SLC45A4: variants seen among roughly 807,000 people sequenced by gnomAD.
The protein encoded by SLC45A4 is solute carrier family 45 member 4.
A neutral mutation model predicts 63.7 loss-of-function variants in SLC45A4; 32 were observed. That is an observed-to-expected ratio of 0.50 (90% CI 0.38 to 0.67). The LOEUF (loss-of-function observed/expected upper bound fraction) is 0.67, where lower values mean the gene tolerates loss of function less well. Among genes scored for constraint, SLC45A4 ranks in the 30% least tolerant of loss-of-function variants. The pLI, the probability that SLC45A4 is intolerant of heterozygous loss-of-function variation, is 0.00. For missense variants in SLC45A4, 1,027 were observed against 1,157.7 expected (o/e 0.89, Z 1.64); for synonymous variants, 535 against 510.0 (o/e 1.05, Z -0.66).
rs1227502363 is a variant in SLC45A4, at chr8:141,215,673, C to G, written c.1941+86G>C. On this transcript the variant is annotated intron_variant, in intron 7 of 8. Transcript: ENST00000517878. This position sits in a 1 kb window ranked among gnomAD's most constrained non-coding sequence, Gnocchi z 4.3. ...GGGCCATCTGTGTCGTGAACGTCCCCCCGGGGAAGCACAGGGCTCTGCTCT... is the reference window on the plus strand; with the variant it reads ...GGGCCATCTGTGTCGTGAACGTCCCGCCGGGGAAGCACAGGGCTCTGCTCT... 10 of 1,409,602 alleles carry G rather than the reference C, an allele frequency of 7.1e-6. No homozygotes were observed. The highest frequency in any genetic ancestry group is 1.4e-5 in the African/African-American group (1 of 70,700). 87.3% of individuals were successfully genotyped at this position (1,409,602 alleles called of 1,614,324 possible). A position where few individuals can be genotyped will look rare whatever the true frequency, so the allele number is the denominator to read the frequency against.
intron 2 of SLC45A4, among the ~76,000 whole-genome samples, chr8:141,246,832 T>C (rs1828229249): frequency 6.6e-6 from 1 of 152,062 alleles, no homozygotes; most frequent in African/African-American, 2.4e-5. Flanking sequence ...CTAGAAGAAG[T>C]AGCCAGTTGT....
At chr8:141,305,450 C>T (rs146946737) in intron 1 of SLC45A4, among the ~76,000 whole-genome samples, 326 of 152,348 alleles carry the variant, frequency 2.1e-3, no homozygotes, top group Non-Finnish European at 3.6e-3. Context: ...AGCATAATCA[C>T]GCAGTGATGA....
intron 2 of SLC45A4, among the ~76,000 whole-genome samples, chr8:141,239,982 A>T (rs1247002209): frequency 6.6e-6 from 1 of 152,204 alleles, no homozygotes; most frequent in Non-Finnish European, 1.5e-5. Context: ...GCTTTTCAAG[A>T]GTAGACTTTT....
At chr8:141,228,940 G>A (rs757246748) in intron 2 of SLC45A4, among the ~76,000 whole-genome samples, 3 of 152,008 alleles carry the variant, frequency 2.0e-5, no homozygotes, top group Non-Finnish European at 2.9e-5. Flanking sequence ...TCAGGACCCC[G>A]GGCACCAACA....
In SLC45A4 at chr8:141,218,597, C is replaced by G; in HGVS notation, c.1043G>C (p.Ser348Thr). ...ASYPATPRSTSQELAKTKLPR... is the reference protein window; with the variant it reads ...ASYPATPRSTTQELAKTKLPR... ...CAGCTTGGTCTTGGCGAGCTCCTGG[C>G]TGGTGCTGCGGGGGGTGGCGGGGTA... Residue 348 changes from serine (S) to threonine (T), a missense_variant, in exon 5 of 9, where the codon AGC becomes ACC. Coordinates refer to ENST00000517878, the MANE Select transcript of SLC45A4 (RefSeq NM_001286646.2). 6.2e-7 allele frequency: 1 copy of G among 1,613,448 alleles called. No individual in the cohort carries two copies. Among genetic ancestry groups the G allele is most frequent in the Non-Finnish European group, 8.5e-7 (1 of 1,179,900 alleles).
chr8:141,262,562 A>G (rs1465723921), intron 1 of SLC45A4, among the ~76,000 whole-genome samples: 7 of 151,704 alleles, frequency 4.6e-5, no homozygotes, highest in African/African-American at 1.7e-4. Flanking sequence ...AAGGATATGA[A>G]CAGACACTTC....
chr8:141,228,406 G>A (rs1483328420), intron 2 of SLC45A4: 42 of 1,447,034 alleles, frequency 2.9e-5, no homozygotes, highest in African/African-American at 1.8e-4. Context: ...GGACGCTGGC[G>A]CTCCAGAAAG....
At chr8:141,306,860 A>AC (rs534434953) in intron 1 of SLC45A4, among the ~76,000 whole-genome samples, 2 of 152,332 alleles carry the variant, frequency 1.3e-5, no homozygotes, top group South Asian at 4.1e-4. Flanking sequence ...TGACCCCACA[A>AC]CAATTAGTTC....
chr8:141,272,222 T>C (rs1299645636), intron 1 of SLC45A4, among the ~76,000 whole-genome samples: 1 of 152,200 alleles, frequency 6.6e-6, no homozygotes, highest in Non-Finnish European at 1.5e-5. Flanking sequence ...ATCAGAGAAA[T>C]TCATTCAGTT....
At chr8:141,231,267 A>T (rs1569558299) in intron 2 of SLC45A4, among the ~76,000 whole-genome samples, 1 of 152,152 alleles carries the variant, frequency 6.6e-6, no homozygotes, top group Non-Finnish European at 1.5e-5. Context: ...CTGGGCTGAG[A>T]GTGTGGCCCC....
intron 2 of SLC45A4, among the ~76,000 whole-genome samples, chr8:141,247,568 C>A (rs986597858): frequency 7.2e-5 from 11 of 152,114 alleles, no homozygotes; most frequent in African/African-American, 2.7e-4. Flanking sequence ...ACTGCAACAG[C>A]CAAAACAAGT....
chr8:141,260,797 C>T (rs1215543040), intron 1 of SLC45A4, among the ~76,000 whole-genome samples: 1 of 152,186 alleles, frequency 6.6e-6, no homozygotes, highest in Non-Finnish European at 1.5e-5. Flanking sequence ...ACCAGAGGTA[C>T]AAGGAGGAGC....
At chr8:141,301,610 G>T (rs1325677421) in intron 1 of SLC45A4, among the ~76,000 whole-genome samples, 2 of 151,458 alleles carry the variant, frequency 1.3e-5, no homozygotes, top group African/African-American at 4.9e-5. Flanking sequence ...AATTAGCTGG[G>T]CATAAGCCCA....
At position 141,256,994 on chromosome 8, in the gene SLC45A4, C is replaced by T. The variant is rs561144274; in HGVS notation, c.-400-2365G>A. Among the ~76,000 whole-genome samples the T allele has an allele frequency of 2.0e-5, 3 of 152,232 alleles. No homozygotes were observed. The South Asian group carries it at 6.2e-4, about 32-fold the overall frequency. Reference sequence around the variant, plus strand: ...TCAGCCTCCTGAGTAGCTGGGATTACAGGCACATGCCACCACGCCCAGCTA... The same window carrying T: ...TCAGCCTCCTGAGTAGCTGGGATTATAGGCACATGCCACCACGCCCAGCTA... On this transcript the variant is annotated intron_variant, in intron 1 of 8. Transcript: ENST00000517878. The surrounding 1 kb of genome is among the most constrained non-coding windows in gnomAD (Gnocchi z 4.3).
At position 141,285,430 on chromosome 8, in the gene SLC45A4, C is replaced by A. The variant is rs1006135406; in HGVS notation, c.-401+22666G>T. 3.9e-5 allele frequency among the ~76,000 whole-genome samples: 6 copies of A among 152,210 alleles called. 1 individual carries two copies. Among genetic ancestry groups the A allele is most frequent in the Non-Finnish European group, 8.8e-5 (6 of 68,032 alleles). On this transcript the variant is annotated intron_variant, in intron 1 of 8. Transcript: ENST00000517878. The stretch of plus-strand genomic sequence containing the variant: ...ACTAAATCTTTACCGAATCCCCACT[C>A]CACAGTGACCGGCCTTGCACTTGGC...
At chr8:141,269,305 C>T (rs1829415928) in intron 1 of SLC45A4, among the ~76,000 whole-genome samples, 1 of 152,258 alleles carries the variant, frequency 6.6e-6, no homozygotes, top group Non-Finnish European at 1.5e-5. Flanking sequence ...TTTTGTGCCA[C>T]AAGTCAGGGC....
At position 141,281,137 on chromosome 8, in the gene SLC45A4, G is replaced by A. The variant is rs866963414; in HGVS notation, c.-400-26508C>T. ...GTGGATCACCTGAGGTCAGAAGTTC[G>A]AGACCAGCCTGGCCAACATAGTGAA... is the stretch of plus-strand genomic sequence containing the variant. On this transcript the variant is annotated intron_variant, in intron 1 of 8. Transcript: ENST00000517878. 2.0e-4 allele frequency among the ~76,000 whole-genome samples: 31 copies of A among 152,276 alleles called. 1 individual carries two copies. In the South Asian group the frequency reaches 2.1e-3, roughly 10 times the overall value.
intron 1 of SLC45A4, among the ~76,000 whole-genome samples, chr8:141,267,284 G>A (rs372573013): frequency 7.2e-5 from 11 of 152,246 alleles, no homozygotes; most frequent in South Asian, 2.1e-4. Context: ...ACCTGCTGCC[G>A]TGTCCCGTGG....
At chr8:141,307,526 A>G (rs1476895109) in intron 1 of SLC45A4, among the ~76,000 whole-genome samples, 1 of 147,418 alleles carries the variant, frequency 6.8e-6, no homozygotes, top group East Asian at 1.9e-4. Context: ...AAGGAGGGGA[A>G]GAAGGGAAGG....
Sources: allele counts gnomAD v4.1 joint callset (sites outside exome capture counted in the v4.1 genomes callset), GRCh38; gene constraint gnomAD v4.1.1; non-coding constraint Gnocchi (gnomAD v3.1); transcripts MANE v1.5; gene names NCBI Gene and HGNC (gene_info 2026-07-23, HGNC 2026-07-21).